STIM1: variants seen among roughly 807,000 people sequenced by gnomAD.
STIM1 encodes stromal interaction molecule 1.
Under a neutral mutation model 74.7 loss-of-function variants are expected in STIM1, and 25 were observed. The observed-to-expected ratio is 0.33, with a 90% CI of 0.24 to 0.47. STIM1 has a LOEUF of 0.47. Among genes scored for constraint, STIM1 ranks in the 20% least tolerant of loss-of-function variants. The pLI is 1.00. For synonymous variants in STIM1, 328 were observed against 348.8 expected (o/e 0.94, Z 0.66); for missense variants, 728 against 920.8 (o/e 0.79, Z 2.71).
intron 1 of STIM1, among the ~76,000 whole-genome samples, chr11:3,934,733 A>G (rs1317462707): frequency 1.3e-5 from 2 of 152,210 alleles, no homozygotes; most frequent in Non-Finnish European, 2.9e-5. Context: ...CTCTTCCATA[A>G]TTCACTGTTT....
chr11:3,906,316 G>C (rs1176797139), intron 1 of STIM1, among the ~76,000 whole-genome samples: 1 of 152,170 alleles, frequency 6.6e-6, no homozygotes, highest in Non-Finnish European at 1.5e-5. Flanking sequence ...GATGAACTAG[G>C]TTACCTCAGG....
chr11:4,008,488 A>G (rs1399650130), intron 2 of STIM1, among the ~76,000 whole-genome samples: 1 of 152,236 alleles, frequency 6.6e-6, no homozygotes, highest in Non-Finnish European at 1.5e-5. Flanking sequence ...CAAAACACTT[A>G]CAATATGAAA....
At chr11:4,026,433 A>G (rs1449005736) in intron 3 of STIM1, among the ~76,000 whole-genome samples, 2 of 152,236 alleles carry the variant, frequency 1.3e-5, no homozygotes, top group Non-Finnish European at 2.9e-5. Context: ...TTTTACATAT[A>G]TTAACTTATT....
intron 1 of STIM1, among the ~76,000 whole-genome samples, chr11:3,904,768 CAA>C (rs1491197750): frequency 1.3e-5 from 2 of 151,940 alleles, no homozygotes; most frequent in African/African-American, 4.8e-5. Flanking sequence ...ACATGGAATA[CAA>C]GAGAGAGAGC....
intron 1 of STIM1, among the ~76,000 whole-genome samples, chr11:3,948,833 T>C (rs553056865): frequency 6.6e-6 from 1 of 152,258 alleles, no homozygotes; most frequent in African/African-American, 2.4e-5. Context: ...ATCCCTTAAT[T>C]CTCTTCTCAA....
At chr11:4,015,993 T>C (rs1008741503) in intron 2 of STIM1, among the ~76,000 whole-genome samples, 1 of 152,196 alleles carries the variant, frequency 6.6e-6, no homozygotes, top group African/African-American at 2.4e-5. Context: ...TAGAACATGC[T>C]CCTTTAGGTC....
At chr11:3,984,156 G>A (rs1032198846) in intron 2 of STIM1, among the ~76,000 whole-genome samples, 5 of 152,072 alleles carry the variant, frequency 3.3e-5, no homozygotes, top group South Asian at 4.1e-4. Flanking sequence ...GTGAGCAACC[G>A]TGTCCAGCCT....
intron 1 of STIM1, among the ~76,000 whole-genome samples, chr11:3,940,527 C>G (rs1482681017): frequency 6.6e-6 from 1 of 152,080 alleles, no homozygotes; most frequent in Non-Finnish European, 1.5e-5. Context: ...AGCAGACTCA[C>G]AGGGTTGTGA....
chr11:3,937,331 T>A (rs1054187648), intron 1 of STIM1, among the ~76,000 whole-genome samples: 50 of 120,182 alleles, frequency 4.2e-4, no homozygotes, highest in Non-Finnish European at 1.1e-4. Flanking sequence ...ATATCTGGAA[T>A]GAGTGTGAAA....
chr11:3,888,949 C>T (rs925702457), intron 1 of STIM1, among the ~76,000 whole-genome samples: 1 of 151,658 alleles, frequency 6.6e-6, no homozygotes, highest in Non-Finnish European at 1.5e-5. Context: ...GGGGGTGGAG[C>T]TCTGTAAATG....
chr11:3,919,857 C>T (rs758661780), intron 1 of STIM1, among the ~76,000 whole-genome samples: 5 of 152,058 alleles, frequency 3.3e-5, no homozygotes, highest in Non-Finnish European at 7.4e-5. Flanking sequence ...GTGGGAGGAT[C>T]CCTTTAGTCC....
intron 1 of STIM1, among the ~76,000 whole-genome samples, chr11:3,912,615 C>T (rs1203432772): frequency 6.6e-6 from 1 of 152,190 alleles, no homozygotes; most frequent in East Asian, 1.9e-4. Context: ...ATCCACCCGC[C>T]TTGGCCTCCC....
intron 2 of STIM1, chr11:3,999,529 T>G (rs1590634037): frequency 6.6e-6 from 1 of 152,166 alleles, no homozygotes. Context: ...AGCCATGAGA[T>G]GTTAAGTAAG....
chr11:4,064,274 A>G (rs971610140), intron 5 of STIM1, among the ~76,000 whole-genome samples: 1 of 152,202 alleles, frequency 6.6e-6, no homozygotes, highest in Non-Finnish European at 1.5e-5. Flanking sequence ...TGAAAGGGGT[A>G]GGGACATGCC....
intron 3 of STIM1, among the ~76,000 whole-genome samples, chr11:4,037,502 A>G (rs2094113903): frequency 6.6e-6 from 1 of 152,130 alleles, no homozygotes; most frequent in East Asian, 1.9e-4. Context: ...TTTCTTAGTG[A>G]TTAACTGACC....
At chr11:4,082,785 C>A in intron 8 of STIM1, 97 bp from the exon 9 acceptor site, 1 of 948,250 alleles carries the variant, frequency 1.1e-6, no homozygotes, top group Non-Finnish European at 1.7e-6. Flanking sequence ...CTCAGTTGTG[C>A]TAGGAGGAGT....
chr11:4,078,392 A>G (rs1446124479), intron 7 of STIM1, among the ~76,000 whole-genome samples: 1 of 152,166 alleles, frequency 6.6e-6, no homozygotes, highest in African/African-American at 2.4e-5. Context: ...TTTGTGCCCC[A>G]GTGGAGATCT....
chr11:4,028,414 CT>C (rs1217731355), intron 3 of STIM1, among the ~76,000 whole-genome samples: 15 of 137,216 alleles, frequency 1.1e-4, no homozygotes, highest in Admixed American at 3.0e-4. Context: ...TTTTTCTTTT[CT>C]TTTTTTTTTT....
chr11:3,865,962 CA>C (rs2090839521), intron 1 of STIM1, among the ~76,000 whole-genome samples: 1 of 152,174 alleles, frequency 6.6e-6, no homozygotes, highest in African/African-American at 2.4e-5. Context: ...TGTGAGAAGT[CA>C]TGCAAGAAAA....
Sources: gnomAD v4.1 joint callset for allele counts (sites outside exome capture counted in the v4.1 genomes callset) on GRCh38, gnomAD v4.1.1 for gene constraint, MANE v1.5 for transcripts, NCBI Gene and HGNC (gene_info 2026-07-23, HGNC 2026-07-21) for gene names.